Variants in COL24A1 observed in about 807,000 individuals in gnomAD.
The protein encoded by COL24A1 is collagen type XXIV alpha 1 chain.
In COL24A1, 224 loss-of-function variants were observed where a neutral mutation model predicts 253.9. That is an observed-to-expected ratio of 0.88 (90% CI 0.79 to 0.99). The LOEUF is 0.99. COL24A1 is among the 50% of genes least tolerant of loss of function. The pLI, the probability that COL24A1 is intolerant of heterozygous loss-of-function variation, is 0.00. For missense variants in COL24A1, 2,131 were observed against 2,068.5 expected (o/e 1.03, Z -0.59); for synonymous variants, 685 against 673.7 (o/e 1.02, Z -0.26).
chr1:85,916,346 C>T (rs948252755), intron 24 of COL24A1, among the ~76,000 whole-genome samples: 3 of 152,220 alleles, frequency 2.0e-5, no homozygotes, highest in East Asian at 3.9e-4. Flanking sequence ...TGCAGTCAGT[C>T]AAAAGGGCAT....
At chr1:86,080,959 G>A (rs1702591867) in intron 7 of COL24A1, among the ~76,000 whole-genome samples, 1 of 151,816 alleles carries the variant, frequency 6.6e-6, no homozygotes, top group Non-Finnish European at 1.5e-5. Flanking sequence ...ATAACCAATG[G>A]GAAAATTTAC....
At chr1:85,837,375 GA>G (rs1376743590) in intron 43 of COL24A1, among the ~76,000 whole-genome samples, 2 of 152,260 alleles carry the variant, frequency 1.3e-5, no homozygotes, top group East Asian at 3.9e-4. Context: ...TCTGGCTTGA[GA>G]AAAATCAACT....
At chr1:85,766,368 C>CAAAAAAAAA (rs1319642983) in intron 53 of COL24A1, among the ~76,000 whole-genome samples, 7 of 66,252 alleles carry the variant, frequency 1.1e-4, no homozygotes, top group South Asian at 7.2e-4. Context: ...GACTCTGTCT[C>CAAAAAAAAA]AAAAAAAAAA....
chr1:85,886,481 C>T (rs755221273), intron 32 of COL24A1, among the ~76,000 whole-genome samples: 5 of 151,722 alleles, frequency 3.3e-5, no homozygotes, highest in South Asian at 2.1e-4. Flanking sequence ...CTGGCTAACA[C>T]GGTGAAATCC....
At chr1:85,783,874 A>G (rs1669392505) in intron 50 of COL24A1, among the ~76,000 whole-genome samples, 1 of 152,166 alleles carries the variant, frequency 6.6e-6, no homozygotes, top group African/African-American at 2.4e-5. Context: ...GAAAATTTTC[A>G]TAATAAACTG....
At chr1:85,984,979 T>C (rs183908156) in intron 20 of COL24A1, among the ~76,000 whole-genome samples, 2 of 152,032 alleles carry the variant, frequency 1.3e-5, no homozygotes, top group Admixed American at 6.6e-5. Flanking sequence ...CAATTAATCA[T>C]CCATTCAACC....
chr1:85,790,223 A>G (rs1670119466), intron 47 of COL24A1, among the ~76,000 whole-genome samples: 1 of 152,166 alleles, frequency 6.6e-6, no homozygotes, highest in South Asian at 2.1e-4. Context: ...TACTGCCTCA[A>G]TTTCAGAACT....
At chr1:85,745,279 A>G (rs1258518305) in intron 56 of COL24A1, among the ~76,000 whole-genome samples, 162 bp downstream of exon 56, 2 of 152,132 alleles carry the variant, frequency 1.3e-5, no homozygotes, top group Non-Finnish European at 2.9e-5. Flanking sequence ...CTGTTTAATT[A>G]TACCAAAATC....
intron 19 of COL24A1, among the ~76,000 whole-genome samples, chr1:86,013,007 A>C (rs1306515445): frequency 1.3e-5 from 2 of 152,116 alleles, no homozygotes; most frequent in Non-Finnish European, 2.9e-5. Flanking sequence ...TATTAACTAC[A>C]TGCTGAAGTG....
intron 24 of COL24A1, among the ~76,000 whole-genome samples, chr1:85,924,859 T>C (rs566961608): frequency 3.3e-5 from 5 of 152,126 alleles, no homozygotes; most frequent in African/African-American, 7.2e-5. Context: ...GGGTATTCAA[T>C]TAGGAAAAGA....
At chr1:85,858,551 AC>A (rs1190460189) in intron 37 of COL24A1, among the ~76,000 whole-genome samples, 1 of 151,598 alleles carries the variant, frequency 6.6e-6, no homozygotes, top group Non-Finnish European at 1.5e-5. Context: ...TTCTGTGACC[AC>A]CCTAAATAGG....
intron 52 of COL24A1, among the ~76,000 whole-genome samples, chr1:85,779,620 T>C (rs1300525605): frequency 6.6e-6 from 1 of 152,144 alleles, no homozygotes; most frequent in Non-Finnish European, 1.5e-5. Flanking sequence ...AGTACTTTGG[T>C]TCAGGGTTCC....
At chr1:85,787,267 A>G (rs1194861432) in intron 47 of COL24A1, among the ~76,000 whole-genome samples, 1 of 151,770 alleles carries the variant, frequency 6.6e-6, no homozygotes, top group Non-Finnish European at 1.5e-5. Flanking sequence ...TATGTAGGTA[A>G]ATGTGTGCCA....
At chr1:85,963,198 A>T (rs1306599053) in intron 23 of COL24A1, among the ~76,000 whole-genome samples, 1 of 152,156 alleles carries the variant, frequency 6.6e-6, no homozygotes, top group African/African-American at 2.4e-5. Flanking sequence ...AAACTTTCAA[A>T]GTCTACACAA....
At chr1:85,839,673 T>C (rs1260158991) in intron 42 of COL24A1, among the ~76,000 whole-genome samples, 1 of 151,656 alleles carries the variant, frequency 6.6e-6, no homozygotes, top group Non-Finnish European at 1.5e-5. Context: ...GAGGCTGCAG[T>C]GAGCCAGCAC....
At chr1:86,131,602 A>T (rs185460615) in intron 2 of COL24A1, among the ~76,000 whole-genome samples, 2 of 148,732 alleles carry the variant, frequency 1.3e-5, no homozygotes, top group East Asian at 4.0e-4. Context: ...ATGAGTGAGA[A>T]CATGCAGTGT....
chr1:86,142,262 G>C (rs972468383), intron 2 of COL24A1, among the ~76,000 whole-genome samples: 1 of 151,786 alleles, frequency 6.6e-6, no homozygotes, highest in Non-Finnish European at 1.5e-5. Flanking sequence ...TGTGGCTCAC[G>C]CCTGTAATCC....
At chr1:86,145,685 T>C (rs1356136320) in intron 2 of COL24A1, among the ~76,000 whole-genome samples, 1 of 152,070 alleles carries the variant, frequency 6.6e-6, no homozygotes, top group Non-Finnish European at 1.5e-5. Flanking sequence ...TTGAATTACA[T>C]AGAATCCTAA....
At chr1:85,851,494 T>C (rs1258819134) in intron 37 of COL24A1, among the ~76,000 whole-genome samples, 1 of 152,144 alleles carries the variant, frequency 6.6e-6, no homozygotes, top group Non-Finnish European at 1.5e-5. Context: ...GTAGGATACA[T>C]GCATCTTCAA....
Sources: gnomAD v4.1 joint callset for allele counts (sites outside exome capture counted in the v4.1 genomes callset) on GRCh38, gnomAD v4.1.1 for gene constraint, MANE v1.5 for transcripts, NCBI Gene and HGNC (gene_info 2026-07-23, HGNC 2026-07-21) for gene names.